Variants in RALYL observed in about 807,000 individuals in gnomAD.
RALYL encodes the protein RNA-binding Raly-like protein.
Under a neutral mutation model 35.1 loss-of-function variants are expected in RALYL, and 29 were observed. That is an observed-to-expected ratio of 0.83 (90% CI 0.61 to 1.13). The LOEUF is 1.13. RALYL is among the 50% of genes most tolerant of loss of function. RALYL has a pLI of 0.00. For synonymous variants in RALYL, 120 were observed against 127.6 expected, an observed-to-expected ratio of 0.94 and a Z score of 0.40; for missense variants, 359 against 360.4, an observed-to-expected ratio of 1.00 and a Z score of 0.03.
intron 1 of RALYL, among the ~76,000 whole-genome samples, chr8:84,321,419 A>G (rs952666563): frequency 2.0e-5 from 3 of 152,184 alleles, no homozygotes; most frequent in African/African-American, 7.2e-5. Context: ...AGCAGAAGCC[A>G]CTGGAGCCAT....
intron 5 of RALYL, among the ~76,000 whole-genome samples, chr8:84,861,927 T>C (rs991570775): frequency 6.6e-6 from 1 of 152,224 alleles, no homozygotes; most frequent in African/African-American, 2.4e-5. Flanking sequence ...AGAGGAATAT[T>C]TCTGTTCATA....
At chr8:84,191,904 T>C (rs1813981907) in intron 1 of RALYL, among the ~76,000 whole-genome samples, 1 of 152,242 alleles carries the variant, frequency 6.6e-6, no homozygotes, top group Non-Finnish European at 1.5e-5. Flanking sequence ...AGAAAATTAC[T>C]ATTTGTAACT....
At chr8:84,514,899 G>T (rs2134501070) in intron 1 of RALYL, among the ~76,000 whole-genome samples, 1 of 152,290 alleles carries the variant, frequency 6.6e-6, no homozygotes, top group Non-Finnish European at 1.5e-5. Context: ...AGTTCTAGCA[G>T]TTGGTTCCCT....
intron 2 of RALYL, among the ~76,000 whole-genome samples, chr8:84,729,283 C>G (rs6997829): frequency 0.018 from 2,703 of 151,954 alleles, 80 homozygotes; most frequent in African/African-American, 0.062. Context: ...TTTGTCTGTT[C>G]TTGGTGTATA....
At chr8:84,284,252 C>T (rs1258788825) in intron 1 of RALYL, among the ~76,000 whole-genome samples, 1 of 151,264 alleles carries the variant, frequency 6.6e-6, no homozygotes, top group Non-Finnish European at 1.5e-5. Flanking sequence ...TATTTAGTAA[C>T]ACTGTTTTCT....
At chr8:84,891,631 C>T (rs1843866180) in intron 8 of RALYL, among the ~76,000 whole-genome samples, 1 of 152,156 alleles carries the variant, frequency 6.6e-6, no homozygotes, top group African/African-American at 2.4e-5. Context: ...TAAATCCTAT[C>T]TCTATTATAT....
chr8:84,435,931 A>G (rs544262856), intron 1 of RALYL, among the ~76,000 whole-genome samples: 105 of 152,254 alleles, frequency 6.9e-4, no homozygotes, highest in Non-Finnish European at 1.2e-3. Context: ...CTCTAGAAAT[A>G]TGGTTGTTGT....
At chr8:84,489,039 G>A (rs1010348163) in intron 1 of RALYL, among the ~76,000 whole-genome samples, 19 of 151,892 alleles carry the variant, frequency 1.3e-4, no homozygotes, top group African/African-American at 4.6e-4. Context: ...AGATATCCAC[G>A]TGTATTCACT....
rs9298428 is a variant in RALYL at position 84,804,689 on chromosome 8, T to G, written c.333-81T>G. ...TTTTCATCCAAACAAGTATAATAAT[T>G]TTGTCAGGTTCATGTAAAAGCAATT... On this transcript the variant is annotated intron_variant, in intron 3 of 8. Transcript: ENST00000521268. 6,865 of 634,110 alleles carry G rather than the reference T, an allele frequency of 0.011. 374 individuals are homozygous for G. In the African/African-American group the frequency reaches 0.12, roughly 11 times the overall value. The allele number at this position is 634,110 out of a possible 1,614,324, so 39.3% of individuals were successfully genotyped here.
At chr8:84,274,123 T>G (rs1408168057) in intron 1 of RALYL, among the ~76,000 whole-genome samples, 1 of 152,174 alleles carries the variant, frequency 6.6e-6, no homozygotes, top group African/African-American at 2.4e-5. Flanking sequence ...AACATTTTAC[T>G]TGAATGTAAA....
rs2059427782 is a variant in RALYL, at chr8:84,533,899, G to A, written c.256+4322G>A. The stretch of plus-strand genomic sequence containing the variant: ...AGAACAAAGAAGAGAACATTCAAAT[G>A]CTTGTAACAATTCCCGTCAAGCATG... On this transcript the variant is annotated intron_variant, in intron 2 of 8. Coordinates refer to ENST00000521268, the MANE Select transcript of RALYL (RefSeq NM_173848.7). Among the ~76,000 whole-genome samples the A allele has an allele frequency of 2.6e-5, 4 of 152,326 alleles. No individual in the cohort carries two copies. The South Asian group carries it at 8.3e-4, about 32-fold the overall frequency.
intron 1 of RALYL, among the ~76,000 whole-genome samples, chr8:84,421,752 C>G (rs2132410093): frequency 7.3e-6 from 1 of 136,194 alleles, no homozygotes; most frequent in East Asian, 2.1e-4. Flanking sequence ...GAGTTTTTAG[C>G]ATGATGGGTT....
chr8:84,711,194 C>A (rs1842126243), intron 2 of RALYL, among the ~76,000 whole-genome samples: 1 of 151,830 alleles, frequency 6.6e-6, no homozygotes. Context: ...AAGATGAGGT[C>A]AAAAAAGCAT....
chr8:84,882,463 G>A (rs1447225967), intron 7 of RALYL, among the ~76,000 whole-genome samples: 1 of 151,982 alleles, frequency 6.6e-6, no homozygotes. Flanking sequence ...ATGTGGCAAC[G>A]AGGTTTTTCA....
intron 2 of RALYL, among the ~76,000 whole-genome samples, chr8:84,615,088 A>G (rs1284792139): frequency 6.6e-6 from 1 of 151,762 alleles, no homozygotes; most frequent in Non-Finnish European, 1.5e-5. Flanking sequence ...TCAAAACCAT[A>G]TAATCAATAT....
chr8:84,529,522 T>C lies in RALYL; in HGVS notation c.201T>C (p.His67=). 6.2e-7 allele frequency: 1 copy of C among 1,612,584 alleles called. No individual in the cohort carries two copies. The highest frequency in any genetic ancestry group is 8.5e-7 in the Non-Finnish European group (1 of 1,178,692). ...TTGTACAGTACATGAGTGAGCGACATGCAAGAGCTGCAGTGGCTGGAGAAA... is the reference window on the plus strand; with the variant it reads ...TTGTACAGTACATGAGTGAGCGACACGCAAGAGCTGCAGTGGCTGGAGAAA... ...YAFVQYMSER[H]ARAAVAGENA... The change falls in exon 2 of 9, where the codon CAT becomes CAC. Residue 67 remains histidine (H), a synonymous_variant. Transcript: ENST00000521268.
intron 1 of RALYL, among the ~76,000 whole-genome samples, chr8:84,369,024 G>T (rs373386519): frequency 6.6e-6 from 1 of 152,102 alleles, no homozygotes; most frequent in Non-Finnish European, 1.5e-5. Flanking sequence ...AAGGTTTTAG[G>T]CTTGAGCTAT....
At chr8:84,530,251 T>C (rs2059187691) in intron 2 of RALYL, among the ~76,000 whole-genome samples, 1 of 152,260 alleles carries the variant, frequency 6.6e-6, no homozygotes, top group East Asian at 1.9e-4. Flanking sequence ...ATTATTTAGA[T>C]GTTTTTCTAC....
chr8:84,301,208 C>T (rs1840711412), intron 1 of RALYL, among the ~76,000 whole-genome samples: 1 of 151,982 alleles, frequency 6.6e-6, no homozygotes, highest in Admixed American at 6.6e-5. Context: ...AATATAGGCC[C>T]ATGATTTCTT....
Sources: gnomAD v4.1 joint callset for allele counts (sites outside exome capture counted in the v4.1 genomes callset) on GRCh38, gnomAD v4.1.1 for gene constraint, MANE v1.5 for transcripts, NCBI Gene and HGNC (gene_info 2026-07-23, HGNC 2026-07-21) for gene names.